PTK7: variants seen among roughly 807,000 people sequenced by gnomAD.
PTK7 encodes protein tyrosine kinase 7 (inactive).
In PTK7, 39 loss-of-function variants were observed where a neutral mutation model predicts 116.6. The observed-to-expected ratio is 0.33, with a 90% CI of 0.26 to 0.44. The LOEUF (loss-of-function observed/expected upper bound fraction) is 0.44. Among genes scored for constraint, PTK7 ranks in the 20% least tolerant of loss-of-function variants. The pLI is 1.00. For missense variants in PTK7, 1,169 were observed against 1,425.6 expected (o/e 0.82, Z 2.90); for synonymous variants, 546 against 563.6 (o/e 0.97, Z 0.44).
chr6:43,149,141 G>T (rs2150464465), intron 17 of PTK7, among the ~76,000 whole-genome samples: 1 of 151,584 alleles, frequency 6.6e-6, no homozygotes, highest in Non-Finnish European at 1.5e-5. Flanking sequence ...GGAGGCTGAG[G>T]CGGGAAGATC....
Position 43,138,898 on chromosome 6 carries a change from C to T in PTK7, c.1278C>T (p.Gly426=), listed in dbSNP as rs1249222228. 2 of 1,614,152 alleles carry T rather than the reference C, an allele frequency of 1.2e-6. No homozygotes were observed. Among genetic ancestry groups the T allele is most frequent in the South Asian group, 1.1e-5 (1 of 91,088 alleles). Residue 426 remains glycine (G), a synonymous_variant, in exon 8 of 20, where the codon GGC becomes GGT. Coordinates refer to ENST00000230419, the MANE Select transcript of PTK7 (RefSeq NM_002821.5). The stretch of plus-strand genomic sequence containing the variant: ...CCCAAGACAGCCAGCTGGAGGAGGG[C>T]AAACCCGGCTACTTGGATTGCCTGA... ...KKPQDSQLEE[G]KPGYLDCLTQ...
intron 1 of PTK7, among the ~76,000 whole-genome samples, chr6:43,117,067 G>A (rs1286939521): frequency 6.6e-6 from 1 of 152,104 alleles, no homozygotes; most frequent in Non-Finnish European, 1.5e-5. Flanking sequence ...GAGGTGATCT[G>A]CCCACTTCGG....
At chr6:43,153,325 G>GT (rs1771240323) in intron 17 of PTK7, among the ~76,000 whole-genome samples, 1 of 150,970 alleles carries the variant, frequency 6.6e-6, no homozygotes, top group African/African-American at 2.4e-5. Context: ...GCGTTAGGCA[G>GT]GATGGTCTCG....
intron 1 of PTK7, among the ~76,000 whole-genome samples, chr6:43,083,753 C>T (rs1766500461): frequency 6.6e-6 from 1 of 152,172 alleles, no homozygotes; most frequent in African/African-American, 2.4e-5. Flanking sequence ...GTGACTAGAA[C>T]GTCATCCACC....
chr6:43,079,722 T>C (rs1212695785), intron 1 of PTK7, among the ~76,000 whole-genome samples: 16 of 152,010 alleles, frequency 1.1e-4, no homozygotes, highest in Non-Finnish European at 2.1e-4. Flanking sequence ...CTCTAAAGTA[T>C]GAGGATTACA....
chr6:43,143,458 C>T lies in PTK7; in HGVS notation c.2089C>T (p.Pro697Ser), dbSNP rs763433674. 2 of 1,613,872 alleles carry T rather than the reference C, an allele frequency of 1.2e-6. No homozygotes were observed. The highest frequency in any genetic ancestry group is 8.5e-7 in the Non-Finnish European group (1 of 1,180,022). ...GGAGTCGGAGGGCCCTGGCAGCCCTCCCCCCTACAAGATGATCCAGACCAT... is the reference window on the plus strand; with the variant it reads ...GGAGTCGGAGGGCCCTGGCAGCCCTTCCCCCTACAAGATGATCCAGACCAT... ...PEESEGPGSP[P>S]PYKMIQTIGL... Residue 697 changes from proline (P) to serine (S), a missense_variant, in exon 14 of 20, where the codon CCC (proline) becomes TCC (serine). Physicochemically the swap from Pro to Ser is moderately conservative, Grantham distance 74. Around this residue, in one of 3 missense-constraint regions of PTK7, gnomAD observed 678 missense variants for 853.8 expected, o/e 0.79. Coordinates refer to ENST00000230419, the MANE Select transcript of PTK7 (RefSeq NM_002821.5). This position sits in a 1 kb window ranked among gnomAD's most constrained non-coding sequence, Gnocchi z 4.2.
intron 1 of PTK7, among the ~76,000 whole-genome samples, chr6:43,100,382 C>CAA (rs34878554): frequency 9.3e-6 from 1 of 107,994 alleles, no homozygotes; most frequent in Non-Finnish European, 1.9e-5. Flanking sequence ...GACTCCATCT[C>CAA]AAAAAAAAAA....
At chr6:43,097,109 A>T (rs1767307655) in intron 1 of PTK7, among the ~76,000 whole-genome samples, 1 of 152,106 alleles carries the variant, frequency 6.6e-6, no homozygotes, top group Admixed American at 6.5e-5. Flanking sequence ...ACACACTTAC[A>T]ATTCATTATT....
chr6:43,148,574 G>C (rs1770858860), intron 17 of PTK7, among the ~76,000 whole-genome samples: 1 of 152,170 alleles, frequency 6.6e-6, no homozygotes, highest in African/African-American at 2.4e-5. Flanking sequence ...ATGAGACATA[G>C]GCTGACAGGA....
chr6:43,154,879 T>A (rs767777541), intron 17 of PTK7, among the ~76,000 whole-genome samples: 29 of 152,344 alleles, frequency 1.9e-4, no homozygotes, highest in Admixed American at 4.6e-4. Context: ...TCAGCAGTGA[T>A]GTGATTCAGA....
At chr6:43,109,301 A>G (rs887023084) in intron 1 of PTK7, among the ~76,000 whole-genome samples, 5 of 152,144 alleles carry the variant, frequency 3.3e-5, no homozygotes, top group African/African-American at 9.7e-5. Flanking sequence ...TGAGCCACTC[A>G]AGTAGCTGGG....
At chr6:43,146,541 G>T in intron 16 of PTK7, 77 bp from the exon 17 acceptor site, 1 of 1,395,532 alleles carries the variant, frequency 7.2e-7, no homozygotes, top group South Asian at 1.2e-5. Context: ...GGAATTCTGC[G>T]AGCACCTGCT....
chr6:43,148,116 G>A (rs767034880), intron 17 of PTK7, among the ~76,000 whole-genome samples: 12 of 152,236 alleles, frequency 7.9e-5, no homozygotes, highest in South Asian at 6.2e-4. Context: ...TTAACCGGGC[G>A]TGGGGGCATG....
In PTK7 at chr6:43,138,865, G is replaced by C. The variant is rs1770208548; in HGVS notation, c.1245G>C (p.Leu415=). ...TCTGTCTAGCTGTGCCCTCCTGGCT[G>C]AAGAAGCCCCAAGACAGCCAGCTGG... The part of the protein sequence containing the change: ...NITVATVPSW[L]KKPQDSQLEE... Residue 415 remains leucine, a synonymous_variant, in exon 8 of 20, where the codon CTG becomes CTC. Transcript: ENST00000230419. The C allele has an allele frequency of 1.2e-6, 2 of 1,613,564 alleles. No individual in the cohort carries two copies. Among genetic ancestry groups the C allele is most frequent in the South Asian group, 2.2e-5 (2 of 90,996 alleles).
In PTK7 at chr6:43,139,539, C is replaced by T. The variant is rs374877237; in HGVS notation, c.1618+14C>T. On this transcript the variant is annotated intron_variant, in intron 10 of 19. Transcript: ENST00000230419. This position sits in a 1 kb window ranked among gnomAD's most constrained non-coding sequence, Gnocchi z 4.6. ...GGGAACGGGCAGGTGGGTACAGTGC[C>T]GGCATAGGGTAGGGGCAGGCAGGCA... The T allele has an allele frequency of 5.5e-5, 88 of 1,613,668 alleles. No individual in the cohort carries two copies. The East Asian group carries it at 1.4e-3, about 26-fold the overall frequency.
intron 17 of PTK7, among the ~76,000 whole-genome samples, chr6:43,156,954 A>G (rs1358269089): frequency 2.6e-5 from 4 of 151,610 alleles, no homozygotes; most frequent in Non-Finnish European, 5.9e-5. Context: ...AAAAAAATCC[A>G]GGCACAAAAG....
intron 1 of PTK7, among the ~76,000 whole-genome samples, chr6:43,096,898 A>G (rs972993092): frequency 8.2e-6 from 1 of 121,756 alleles, no homozygotes; most frequent in Admixed American, 8.1e-5. Flanking sequence ...TTAAGGCAAC[A>G]TGACCAGTTT....
chr6:43,143,482 A>T lies in PTK7; in HGVS notation c.2113A>T (p.Ile705Phe), dbSNP rs1212470056. 5 of 1,613,404 alleles carry T rather than the reference A, an allele frequency of 3.1e-6. No individual in the cohort carries two copies. In the Admixed American group the frequency reaches 8.3e-5, roughly 27 times the overall value. ...SPPPYKMIQTIGLSVGAAVAY... is the reference protein window; with the variant it reads ...SPPPYKMIQTFGLSVGAAVAY... ...TCCCCCCTACAAGATGATCCAGACCATTGGGTTGTCGGTGGGTGCCGCTGT... is the reference window on the plus strand; with the variant it reads ...TCCCCCCTACAAGATGATCCAGACCTTTGGGTTGTCGGTGGGTGCCGCTGT... Residue 705 changes from isoleucine to phenylalanine, a missense_variant, in exon 14 of 20, where the codon ATT becomes TTT. By Grantham distance (21) the Ile-to-Phe change is conservative (BLOSUM62 0). Coordinates refer to ENST00000230419, the MANE Select transcript of PTK7 (RefSeq NM_002821.5). This position sits in a 1 kb window ranked among gnomAD's most constrained non-coding sequence, Gnocchi z 4.2.
chr6:43,082,187 T>G (rs901600416), intron 1 of PTK7, among the ~76,000 whole-genome samples: 47 of 152,316 alleles, frequency 3.1e-4, no homozygotes, highest in African/African-American at 1.1e-3. Flanking sequence ...ATTTATTTAT[T>G]CTTTTTGAGA....
Sources: allele counts gnomAD v4.1 joint callset (sites outside exome capture counted in the v4.1 genomes callset), GRCh38; gene constraint gnomAD v4.1.1; regional missense constraint gnomAD v4.1.1; non-coding constraint Gnocchi (gnomAD v3.1); transcripts MANE v1.5; gene names NCBI Gene and HGNC (gene_info 2026-07-23, HGNC 2026-07-21).